SPATS2: variants seen among roughly 807,000 people sequenced by gnomAD.
The protein encoded by SPATS2 is spermatogenesis-associated serine-rich protein 2.
A neutral mutation model predicts 63.7 loss-of-function variants in SPATS2; 38 were observed. The ratio of observed to expected loss-of-function variants is 0.60; its 90% confidence interval spans 0.46 to 0.78. The LOEUF is 0.78. Ranked by LOEUF, SPATS2 falls within the 30% of genes least tolerant of loss-of-function variation. SPATS2 has a pLI of 0.00. For synonymous variants in SPATS2, 207 were observed against 232.9 expected, an observed-to-expected ratio of 0.89 and a Z score of 1.01; for missense variants, 588 against 666.2, an observed-to-expected ratio of 0.88 and a Z score of 1.29.
chr12:49,496,661 C>T (rs1345973155), intron 7 of SPATS2, among the ~76,000 whole-genome samples, 172 bp from the exon 8 acceptor site: 1 of 152,184 alleles, frequency 6.6e-6, no homozygotes, highest in Non-Finnish European at 1.5e-5. Flanking sequence ...CTGCCGATAG[C>T]CATACCCAGC....
At chr12:49,474,532 C>T (rs1040088243) in intron 3 of SPATS2, among the ~76,000 whole-genome samples, 1 of 152,108 alleles carries the variant, frequency 6.6e-6, no homozygotes, top group Admixed American at 6.6e-5. Context: ...AAAGGAATAT[C>T]CAAAACAAAG....
chr12:49,369,429 T>G (rs1353425589), intron 1 of SPATS2, among the ~76,000 whole-genome samples: 1 of 152,256 alleles, frequency 6.6e-6, no homozygotes, highest in Non-Finnish European at 1.5e-5. Context: ...TCATATTTTG[T>G]AAATTAAGAG....
intron 2 of SPATS2, among the ~76,000 whole-genome samples, chr12:49,417,901 G>C (rs1264772891): frequency 6.6e-6 from 1 of 152,164 alleles, no homozygotes; most frequent in Non-Finnish European, 1.5e-5. Context: ...TGTATTTAGA[G>C]ACCATGTCTT....
intron 11 of SPATS2, among the ~76,000 whole-genome samples, chr12:49,520,389 A>G (rs958110303): frequency 2.0e-5 from 3 of 152,104 alleles, no homozygotes; most frequent in Admixed American, 6.5e-5. Flanking sequence ...AAGTGCTGGG[A>G]TTACAGGTGT....
At chr12:49,456,294 G>C (rs1269056133) in intron 2 of SPATS2, among the ~76,000 whole-genome samples, 1 of 152,202 alleles carries the variant, frequency 6.6e-6, no homozygotes, top group Admixed American at 6.5e-5. Context: ...AGACCTGAAG[G>C]AGATTGAGGA....
At chr12:49,381,513 C>T (rs922718379) in intron 2 of SPATS2, among the ~76,000 whole-genome samples, 1 of 152,164 alleles carries the variant, frequency 6.6e-6, no homozygotes, top group Non-Finnish European at 1.5e-5. Flanking sequence ...AACGTGTATA[C>T]ATAAAATCAG....
chr12:49,373,523 C>A (rs887986371), intron 2 of SPATS2, among the ~76,000 whole-genome samples: 1 of 151,972 alleles, frequency 6.6e-6, no homozygotes, highest in Admixed American at 6.6e-5. Context: ...TGGTGGGAGG[C>A]CACTTTGACC....
At chr12:49,487,375 C>G (rs1020414110) in intron 4 of SPATS2, among the ~76,000 whole-genome samples, 2 of 152,068 alleles carry the variant, frequency 1.3e-5, no homozygotes, top group African/African-American at 4.8e-5. Flanking sequence ...TCTCTAATCC[C>G]AGCTACCTGG....
intron 1 of SPATS2, among the ~76,000 whole-genome samples, chr12:49,369,564 G>A (rs996008206): frequency 6.6e-6 from 1 of 152,024 alleles, no homozygotes; most frequent in Non-Finnish European, 1.5e-5. Context: ...CCCTCATCTT[G>A]GTTATAGTAA....
intron 10 of SPATS2, among the ~76,000 whole-genome samples, chr12:49,518,245 T>C (rs1946882422): frequency 2.0e-5 from 3 of 152,210 alleles, no homozygotes; most frequent in Admixed American, 2.0e-4. Context: ...TCCCTGGTAG[T>C]AGAGAACATT....
In SPATS2 at chr12:49,434,873, A is replaced by C. The variant is rs536796682; in HGVS notation, c.-243-25897A>C. Among the ~76,000 whole-genome samples the C allele has an allele frequency of 4.6e-5, 7 of 152,160 alleles. No homozygotes were observed. In the South Asian group the frequency reaches 1.0e-3, roughly 23 times the overall value. Reference sequence around the variant, plus strand: ...TTTATATAAAAACCCAGATTTAATAATTTTTATTTTCTTTTAATACATCCA... The same window carrying C: ...TTTATATAAAAACCCAGATTTAATACTTTTTATTTTCTTTTAATACATCCA... On this transcript the variant is annotated intron_variant, in intron 2 of 13. Transcript: ENST00000552918.
chr12:49,440,472 ATT>A (rs58209886), intron 2 of SPATS2, among the ~76,000 whole-genome samples: 5 of 140,356 alleles, frequency 3.6e-5, no homozygotes, highest in Admixed American at 7.1e-5. Context: ...CATGGCATTA[ATT>A]TTTTTTTTTT....
At chr12:49,451,301 A>G (rs1005206726) in intron 2 of SPATS2, among the ~76,000 whole-genome samples, 1 of 151,500 alleles carries the variant, frequency 6.6e-6, no homozygotes. Context: ...TGTTTTTACT[A>G]TTTTTCAGTT....
intron 2 of SPATS2, among the ~76,000 whole-genome samples, chr12:49,408,868 T>C (rs979650722): frequency 6.6e-6 from 1 of 152,180 alleles, no homozygotes; most frequent in Non-Finnish European, 1.5e-5. Flanking sequence ...GAGATGATAG[T>C]ATTCTAAAGG....
At chr12:49,410,546 G>A (rs1014293591) in intron 2 of SPATS2, among the ~76,000 whole-genome samples, 1 of 152,104 alleles carries the variant, frequency 6.6e-6, no homozygotes, top group Non-Finnish European at 1.5e-5. Context: ...ACCTCATTTT[G>A]TGTTGTATAA....
chr12:49,485,579 C>T (rs147520696), intron 4 of SPATS2, among the ~76,000 whole-genome samples: 2 of 151,878 alleles, frequency 1.3e-5, no homozygotes, highest in South Asian at 2.1e-4. Flanking sequence ...CCAGGGTGAT[C>T]GCAAACTCCT....
chr12:49,506,549 T>G (rs113103171), intron 9 of SPATS2, among the ~76,000 whole-genome samples: 67 of 152,226 alleles, frequency 4.4e-4, no homozygotes, highest in African/African-American at 1.5e-3. Flanking sequence ...CCCTTGACAC[T>G]TGGCGATTAT....
At chr12:49,450,311 A>C (rs966530424) in intron 2 of SPATS2, among the ~76,000 whole-genome samples, 1 of 151,148 alleles carries the variant, frequency 6.6e-6, no homozygotes, top group Non-Finnish European at 1.5e-5. Flanking sequence ...GTGCAGTGGC[A>C]CCATATCGGC....
intron 9 of SPATS2, among the ~76,000 whole-genome samples, chr12:49,510,279 C>T (rs536761242): frequency 1.4e-5 from 2 of 146,278 alleles, no homozygotes; most frequent in South Asian, 2.2e-4. Flanking sequence ...AAAAAAAAAT[C>T]GTCCAGGTAC....
Sources: allele counts gnomAD v4.1 joint callset (sites outside exome capture counted in the v4.1 genomes callset), GRCh38; gene constraint gnomAD v4.1.1; transcripts MANE v1.5; gene names NCBI Gene and HGNC (gene_info 2026-07-23, HGNC 2026-07-21).